ADAP1: variants seen among roughly 807,000 people sequenced by gnomAD.
The protein encoded by ADAP1 is ArfGAP with dual PH domains 1, also known as arf-GAP with dual PH domain-containing protein 1.
In ADAP1, 31 loss-of-function variants were observed where a neutral mutation model predicts 54.9. That is an observed-to-expected ratio of 0.56 (90% confidence interval 0.42 to 0.76). The LOEUF (loss-of-function observed/expected upper bound fraction) is 0.76. Ranked by LOEUF, ADAP1 falls within the 30% of genes least tolerant of loss-of-function variation. The pLI, the probability that ADAP1 is intolerant of heterozygous loss-of-function variation, is 0.00. For synonymous variants in ADAP1, 313 were observed against 202.6 expected (o/e 1.55, Z -4.63); for missense variants, 535 against 512.4 (o/e 1.04, Z -0.42).
At chr7:951,083 T>TA (rs1341634355) in intron 1 of ADAP1, among the ~76,000 whole-genome samples, 1 of 150,978 alleles carries the variant, frequency 6.6e-6, no homozygotes, top group Non-Finnish European at 1.5e-5. Flanking sequence ...TTATTATTTT[T>TA]AAAAAATCCG....
chr7:942,426 G>T, intron 1 of ADAP1, among the ~76,000 whole-genome samples: 1 of 100,312 alleles, frequency 1.0e-5, no homozygotes, highest in Non-Finnish European at 2.1e-5. Flanking sequence ...AGGGAGAGAG[G>T]AGGAGGAAGG....
chr7:926,926 G>T lies in ADAP1; in HGVS notation c.214-282C>A. ...CCTTTTGAGGATGGGTCTGAGGTTTGCCCCACCGTTTCAACCCCCAAGTCC... is the reference window on the plus strand; with the variant it reads ...CCTTTTGAGGATGGGTCTGAGGTTTTCCCCACCGTTTCAACCCCCAAGTCC... On this transcript the variant is annotated intron_variant, in intron 2 of 10. Coordinates refer to ENST00000265846, the MANE Select transcript of ADAP1 (RefSeq NM_006869.4). This position sits in a 1 kb window ranked among gnomAD's most constrained non-coding sequence, Gnocchi z 4.6. 8.2e-7 allele frequency: 1 copy of T among 1,213,954 alleles called. No homozygotes were observed. The highest frequency in any genetic ancestry group is 1.1e-6 in the Non-Finnish European group (1 of 924,010). The allele number at this position is 1,213,954 out of a possible 1,614,324, so 75.2% of individuals were successfully genotyped here. A position where few individuals can be genotyped will look rare whatever the true frequency, so the allele number is the denominator to read the frequency against.
At chr7:932,197 C>A (rs1846604298) in intron 2 of ADAP1, among the ~76,000 whole-genome samples, 1 of 152,208 alleles carries the variant, frequency 6.6e-6, no homozygotes, top group Admixed American at 6.5e-5. Flanking sequence ...CCCAAAGGCC[C>A]CATCGCACCA....
chr7:925,254 G>A (rs759464578), intron 3 of ADAP1, among the ~76,000 whole-genome samples: 5 of 151,696 alleles, frequency 3.3e-5, no homozygotes, highest in Admixed American at 6.6e-5. Flanking sequence ...GGGAGGGCCG[G>A]TTCATGCTGC....
At chr7:949,848 G>A (rs1243163856) in intron 1 of ADAP1, among the ~76,000 whole-genome samples, 1 of 152,246 alleles carries the variant, frequency 6.6e-6, no homozygotes, top group African/African-American at 2.4e-5. Context: ...GCTGGCCTGT[G>A]GCTTGAGTGC....
chr7:898,832 G>A lies in ADAP1; in HGVS notation c.*89C>T, dbSNP rs1285482845. ...CCCTGAGGAGCAGGTGGGGCCAGGT[G>A]GCCTCAGGACGCCAGAGCCCCCCCA... On this transcript the variant is annotated 3_prime_UTR_variant, in exon 11 of 11. Coordinates refer to ENST00000265846, the MANE Select transcript of ADAP1 (RefSeq NM_006869.4). The A allele has an allele frequency of 2.0e-6, 3 of 1,524,200 alleles. No individual in the cohort carries two copies. Among genetic ancestry groups the A allele is most frequent in the Admixed American group, 2.0e-5 (1 of 51,010 alleles). The allele number at this position is 1,524,200 out of a possible 1,614,324, so 94.4% of individuals were successfully genotyped here.
intron 1 of ADAP1, among the ~76,000 whole-genome samples, chr7:940,825 C>T (rs1846921594): frequency 1.3e-5 from 2 of 152,090 alleles, no homozygotes; most frequent in South Asian, 4.1e-4. Context: ...AACATTTGAC[C>T]ATCAATCAAT....
In ADAP1 at chr7:904,230, C is replaced by A; in HGVS notation, c.544G>T (p.Ala182Ser). 4.3e-6 allele frequency: 7 copies of A among 1,609,442 alleles called. No individual in the cohort carries two copies. The highest frequency in any genetic ancestry group is 4.5e-5 in the East Asian group (2 of 44,720). Reference sequence around the variant, plus strand: ...CCGATCTTGGCCGGCTGGAAGGTGGCGTTCAGGTGCTCGATCTTCATCACG... The same window carrying A: ...CCGATCTTGGCCGGCTGGAAGGTGGAGTTCAGGTGCTCGATCTTCATCACG... ...KAVMKIEHLN[A>S]TFQPAKIGHP... The change falls in exon 6 of 11, where the codon GCC (alanine) becomes TCC (serine). Residue 182 changes from alanine to serine, a missense_variant. Coordinates refer to ENST00000265846, the MANE Select transcript of ADAP1 (RefSeq NM_006869.4).
intron 2 of ADAP1, among the ~76,000 whole-genome samples, chr7:934,370 C>A (rs989161029): frequency 5.6e-5 from 8 of 142,822 alleles, no homozygotes; most frequent in Non-Finnish European, 1.1e-4. Flanking sequence ...GAGGGGGTGC[C>A]AGAGTCAGTG....
rs745788487 is a variant in ADAP1, at chr7:905,361, AAAGGGAAAGG to A, written c.389-199_389-190del. 67 of 103,240 alleles carry A rather than the reference AAAGGGAAAGG, an allele frequency of 6.5e-4. 5 individuals carry two copies. Among genetic ancestry groups the A allele is most frequent in the Non-Finnish European group, 4.0e-4 (24 of 59,418 alleles). 6.4% of individuals were successfully genotyped at this position (103,240 alleles called of 1,614,324 possible). Reference sequence around the variant, plus strand: ...CAGGGAGATAGGAAGATGGGCAGGGAAAGGGAAAGGGAAAGGAGAAAGGAGAAAGGAGAAA... The same window carrying A: ...CAGGGAGATAGGAAGATGGGCAGGGAGAAAGGAGAAAGGAGAAAGGAGAAA... On this transcript the variant is annotated intron_variant, in intron 4 of 10. Transcript: ENST00000265846.
intron 4 of ADAP1, among the ~76,000 whole-genome samples, chr7:914,793 G>A (rs1399286019): frequency 6.6e-6 from 1 of 152,144 alleles, no homozygotes; most frequent in Non-Finnish European, 1.5e-5. Context: ...ACAGCAGCCT[G>A]GAGCACAGAC....
In ADAP1 at chr7:920,636, G is replaced by A; in HGVS notation, c.306-586C>T. 1.5e-6 allele frequency: 1 copy of A among 683,196 alleles called. No individual in the cohort carries two copies. The highest frequency in any genetic ancestry group is 2.8e-5 in the East Asian group (1 of 36,024). 42.3% of individuals were successfully genotyped at this position (683,196 alleles called of 1,614,324 possible). ...TCCGGGGCATCAGGAGAAACTACCG[G>A]CAAATACCCAAGAATCCAGGAAGAC... On this transcript the variant is annotated intron_variant, in intron 3 of 10. Transcript: ENST00000265846. The surrounding 1 kb of genome is among the most constrained non-coding windows in gnomAD (Gnocchi z 4.5).
At position 926,472 on chromosome 7, in the gene ADAP1, C is replaced by G; in HGVS notation, c.305+81G>C. 7.8e-7 allele frequency: 1 copy of G among 1,289,878 alleles called. No homozygotes were observed. Among genetic ancestry groups the G allele is most frequent in the Non-Finnish European group, 1.0e-6 (1 of 959,928 alleles). The allele number at this position is 1,289,878 out of a possible 1,614,324, so 79.9% of individuals were successfully genotyped here. A position where few individuals can be genotyped will look rare whatever the true frequency, so the allele number is the denominator to read the frequency against. On this transcript the variant is annotated intron_variant, in intron 3 of 10. Coordinates refer to ENST00000265846, the MANE Select transcript of ADAP1 (RefSeq NM_006869.4). This position sits in a 1 kb window ranked among gnomAD's most constrained non-coding sequence, Gnocchi z 4.6. Reference sequence around the variant, plus strand: ...ACCCTGTGGGCGGCACCCAACTCCCCACCCTGCCGGGTCCTCCCGGGGCCA... The same window carrying G: ...ACCCTGTGGGCGGCACCCAACTCCCGACCCTGCCGGGTCCTCCCGGGGCCA...
chr7:928,051 C>CA lies in ADAP1; in HGVS notation c.214-1408dup, dbSNP rs5881886. 7.4e-3 allele frequency among the ~76,000 whole-genome samples: 769 copies of CA among 104,504 alleles called. 6 individuals carry two copies. Among genetic ancestry groups the CA allele is most frequent in the South Asian group, 0.023 (74 of 3,228 alleles). 68.6% of individuals were successfully genotyped at this position (104,504 alleles called of 152,430 possible). On this transcript the variant is annotated intron_variant, in intron 2 of 10. Transcript: ENST00000265846. ...GGCAACATAGTGAGACCCTGTCTCT[C>CA]AAAAAAAAAAAAAAAAAAATTAGCC...
At chr7:899,603 C>G in intron 8 of ADAP1, 113 bp from the exon 9 acceptor site, 2 of 1,242,056 alleles carry the variant, frequency 1.6e-6, no homozygotes, top group Admixed American at 2.5e-5. Context: ...TCAGTCACCT[C>G]CATTCACTCA....
At chr7:908,750 C>T (rs955202286) in intron 4 of ADAP1, among the ~76,000 whole-genome samples, 3 of 152,252 alleles carry the variant, frequency 2.0e-5, no homozygotes, top group African/African-American at 4.8e-5. Flanking sequence ...ATCGCAGCAG[C>T]GGGCCCAGCG....
Position 904,168 on chromosome 7 carries a change from G to A in ADAP1, c.606C>T (p.Asp202=), listed in dbSNP as rs1470080711. Residue 202 remains aspartate (D), a synonymous_variant, in exon 6 of 11, where the codon GAC becomes GAT. Transcript: ENST00000265846. ...AGATGAAGATGTTACGGGTGCTGTT[G>A]TCCTTCAGGTAGGTGACCTGCAGGC... is the stretch of plus-strand genomic sequence containing the variant. The part of the protein sequence containing the change: ...PHGLQVTYLK[D]NSTRNIFIYH... 3.7e-6 allele frequency: 6 copies of A among 1,612,620 alleles called. No homozygotes were observed. Among genetic ancestry groups the A allele is most frequent in the East Asian group, 2.2e-5 (1 of 44,862 alleles).
chr7:941,310 G>T (rs1220636807), intron 1 of ADAP1, among the ~76,000 whole-genome samples: 1 of 152,136 alleles, frequency 6.6e-6, no homozygotes, highest in Non-Finnish European at 1.5e-5. Flanking sequence ...TCTAGTCAGT[G>T]CAATAAGGCA....
Position 899,097 on chromosome 7 carries a change from C to G in ADAP1, c.1032G>C (p.Gln344His), listed in dbSNP as rs752950942. ...TCTGGAAGGCCGCCACCCACTCCCTCTGGTCGGACTCCGTCTCGCAGGCAA... is the reference window on the plus strand; with the variant it reads ...TCTGGAAGGCCGCCACCCACTCCCTGTGGTCGGACTCCGTCTCGCAGGCAA... Reference protein sequence around the residue: ...FLFACETESDQREWVAAFQKA... With the variant: ...FLFACETESDHREWVAAFQKA... Residue 344 changes from glutamine to histidine, a missense_variant, in exon 10 of 11, where the codon CAG becomes CAC. Gln to His is a conservative substitution (Grantham distance 24). Coordinates refer to ENST00000265846, the MANE Select transcript of ADAP1 (RefSeq NM_006869.4). 63 of 1,608,308 alleles carry G rather than the reference C, an allele frequency of 3.9e-5. No individual in the cohort carries two copies. Among genetic ancestry groups the G allele is most frequent in the Non-Finnish European group, 4.9e-5 (58 of 1,179,936 alleles).
Sources: gnomAD v4.1 joint callset for allele counts (sites outside exome capture counted in the v4.1 genomes callset) on GRCh38, gnomAD v4.1.1 for gene constraint, Gnocchi (gnomAD v3.1) non-coding constraint, MANE v1.5 for transcripts, NCBI Gene and HGNC (gene_info 2026-07-23, HGNC 2026-07-21) for gene names.